The following DAPK1 variants were observed in gnomAD, a reference collection of about 807,000 sequenced individuals.
DAPK1 encodes death associated protein kinase 1, also known as death-associated protein kinase 1.
DAPK1 carries 56 observed loss-of-function variants against 144.9 expected under a neutral mutation model. That is an observed-to-expected ratio of 0.39 (90% CI 0.31 to 0.48). DAPK1 has a LOEUF of 0.48. Among genes scored for constraint, DAPK1 ranks in the 20% least tolerant of loss-of-function variants. DAPK1 has a pLI of 0.95. For missense variants in DAPK1, 1,454 were observed against 1,875.4 expected (o/e 0.78, Z 4.15); for synonymous variants, 690 against 749.0 (o/e 0.92, Z 1.29).
At chr9:87,537,983 G>T (rs532447965) in intron 2 of DAPK1, among the ~76,000 whole-genome samples, 3 of 152,152 alleles carry the variant, frequency 2.0e-5, no homozygotes, top group African/African-American at 7.2e-5. Context: ...GTTGTTTTAC[G>T]GGCCCAAAAT....
At chr9:87,598,713 C>G (rs1191050620) in intron 2 of DAPK1, among the ~76,000 whole-genome samples, 1 of 152,136 alleles carries the variant, frequency 6.6e-6, no homozygotes, top group African/African-American at 2.4e-5. Flanking sequence ...CAGAGCCTCC[C>G]ACAAATAAAT....
chr9:87,662,402 T>C (rs1352892714), intron 18 of DAPK1, among the ~76,000 whole-genome samples: 1 of 152,130 alleles, frequency 6.6e-6, no homozygotes, highest in African/African-American at 2.4e-5. Flanking sequence ...ATCTGTAGAT[T>C]GTTTCAGGCA....
intron 18 of DAPK1, among the ~76,000 whole-genome samples, chr9:87,667,108 C>G (rs1831087858): frequency 6.6e-6 from 1 of 152,174 alleles, no homozygotes; most frequent in Non-Finnish European, 1.5e-5. Context: ...TGGAGAACCC[C>G]TTCTCTTTAT....
At chr9:87,614,620 A>T (rs1300208979) in intron 3 of DAPK1, among the ~76,000 whole-genome samples, 1 of 152,178 alleles carries the variant, frequency 6.6e-6, no homozygotes, top group Non-Finnish European at 1.5e-5. Flanking sequence ...CAACCTGCAC[A>T]TCAAGCGGGT....
intron 2 of DAPK1, among the ~76,000 whole-genome samples, chr9:87,590,101 A>G (rs187886704): frequency 3.3e-5 from 5 of 152,330 alleles, no homozygotes; most frequent in East Asian, 3.9e-4. Context: ...CTAGGAATTA[A>G]TAAGCCAATT....
rs36220450 is a variant in DAPK1, at chr9:87,707,285, G to T, written c.4214G>T (p.Gly1405Val). The change falls in exon 26 of 26, where the codon GGC becomes GTC. Residue 1405 changes from glycine (G) to valine (V), a missense_variant. Physicochemically the swap from Gly to Val is moderately radical, Grantham distance 109 (BLOSUM62 -3). Coordinates refer to ENST00000408954, the MANE Select transcript of DAPK1 (RefSeq NM_004938.4). The surrounding 1 kb of genome is among the most constrained non-coding windows in gnomAD (Gnocchi z 4.0). ...TCTGTGTTCAAAATCAACCTGGATG[G>T]CAATGGCCAGGAGGCCTATGCCTCG... is the stretch of plus-strand genomic sequence containing the variant. ...ASSVFKINLD[G>V]NGQEAYASSC... 3.2e-3 allele frequency: 5,218 copies of T among 1,613,814 alleles called. 144 individuals are homozygous for T. The African/African-American group carries it at 0.061, about 19-fold the overall frequency.
chr9:87,613,977 T>C (rs1447247558), intron 3 of DAPK1, among the ~76,000 whole-genome samples: 1 of 152,222 alleles, frequency 6.6e-6, no homozygotes, highest in East Asian at 1.9e-4. Flanking sequence ...GCTCCTCAGA[T>C]ACCTACTATT....
chr9:87,663,507 T>C (rs1240743808), intron 18 of DAPK1, among the ~76,000 whole-genome samples: 1 of 152,078 alleles, frequency 6.6e-6, no homozygotes, highest in Non-Finnish European at 1.5e-5. Context: ...CTGCTGCCCC[T>C]AAGCCTCTTT....
intron 21 of DAPK1, among the ~76,000 whole-genome samples, chr9:87,687,384 A>G (rs1042828508): frequency 6.6e-6 from 1 of 152,178 alleles, no homozygotes; most frequent in Non-Finnish European, 1.5e-5. Context: ...GAGAACATGC[A>G]GTATTTATCT....
chr9:87,700,607 G>A (rs989502436), intron 24 of DAPK1, among the ~76,000 whole-genome samples: 5 of 152,054 alleles, frequency 3.3e-5, no homozygotes, highest in African/African-American at 7.2e-5. Context: ...CAAGCAATCT[G>A]TCCATCTCAG....
chr9:87,672,357 T>C (rs1041613059), intron 19 of DAPK1, among the ~76,000 whole-genome samples: 16 of 152,096 alleles, frequency 1.1e-4, no homozygotes, highest in African/African-American at 3.9e-4. Flanking sequence ...TTCAAAGAGG[T>C]GAGCAACATA....
At chr9:87,661,984 T>G (rs1241084442) in intron 18 of DAPK1, among the ~76,000 whole-genome samples, 1 of 152,240 alleles carries the variant, frequency 6.6e-6, no homozygotes, top group Non-Finnish European at 1.5e-5. Flanking sequence ...TAATCTATCT[T>G]GAGTTGACTT....
chr9:87,567,517 G>T (rs185182408), intron 2 of DAPK1, among the ~76,000 whole-genome samples: 1 of 152,050 alleles, frequency 6.6e-6, no homozygotes. Flanking sequence ...AGTAGACCCC[G>T]CTCACAATTG....
chr9:87,509,635 C>T (rs986186645), intron 2 of DAPK1, among the ~76,000 whole-genome samples: 2 of 152,226 alleles, frequency 1.3e-5, no homozygotes, highest in Non-Finnish European at 2.9e-5. Flanking sequence ...GCTGGGATTA[C>T]AGGCGTGAGC....
chr9:87,562,802 T>C (rs1826979182), intron 2 of DAPK1, among the ~76,000 whole-genome samples: 1 of 152,180 alleles, frequency 6.6e-6, no homozygotes, highest in African/African-American at 2.4e-5. Context: ...GTGCCCAAAT[T>C]TGGAAGACAG....
At chr9:87,602,920 G>C (rs905591405) in intron 2 of DAPK1, among the ~76,000 whole-genome samples, 7 of 141,528 alleles carry the variant, frequency 4.9e-5, no homozygotes, top group African/African-American at 1.5e-4. Flanking sequence ...CTGTCTCTCT[G>C]TTTCTCTCTC....
intron 2 of DAPK1, among the ~76,000 whole-genome samples, chr9:87,599,400 A>G (rs1828433370): frequency 6.6e-6 from 1 of 152,238 alleles, no homozygotes; most frequent in Non-Finnish European, 1.5e-5. Context: ...GGTAGTAGTC[A>G]GATTAAATAT....
chr9:87,571,498 AACAC>A (rs768913480), intron 2 of DAPK1, among the ~76,000 whole-genome samples: 40 of 46,478 alleles, frequency 8.6e-4, no homozygotes, highest in African/African-American at 2.8e-3. Flanking sequence ...CACACACCCC[AACAC>A]ACACACACAC....
At chr9:87,687,807 AT>A (rs34507988) in intron 21 of DAPK1, among the ~76,000 whole-genome samples, 102,145 of 150,754 alleles carry the variant, frequency 0.68, 34,752 homozygotes, top group East Asian at 0.98. Context: ...AGCTTCTGCT[AT>A]TTTTTTTTTG....
Sources: allele counts gnomAD v4.1 joint callset (sites outside exome capture counted in the v4.1 genomes callset), GRCh38; gene constraint gnomAD v4.1.1; non-coding constraint Gnocchi (gnomAD v3.1); transcripts MANE v1.5; gene names NCBI Gene and HGNC (gene_info 2026-07-23, HGNC 2026-07-21).